ASXL2: variants seen among roughly 807,000 people sequenced by gnomAD.
The protein encoded by ASXL2 is ASXL transcriptional regulator 2, also known as putative Polycomb group protein ASXL2.
ASXL2 carries 23 observed loss-of-function variants against 122.0 expected under a neutral mutation model. That is an observed-to-expected ratio of 0.19 (90% confidence interval 0.14 to 0.27). The LOEUF (loss-of-function observed/expected upper bound fraction) is 0.27. Among genes scored for constraint, ASXL2 ranks in the 10% least tolerant of loss-of-function variants. The pLI is 1.00. For synonymous variants in ASXL2, 650 were observed against 637.0 expected, an observed-to-expected ratio of 1.02 and a Z score of -0.31; for missense variants, 1,518 against 1,713.8, an observed-to-expected ratio of 0.89 and a Z score of 2.02.
chr2:25,795,094 G>C (rs1259440829), intron 5 of ASXL2, among the ~76,000 whole-genome samples: 1 of 152,072 alleles, frequency 6.6e-6, no homozygotes, highest in African/African-American at 2.4e-5. Flanking sequence ...GAATATCAGA[G>C]CTGCTTAAAC....
chr2:25,806,283 A>C lies in ASXL2; in HGVS notation c.198T>G (p.Gly66=). Residue 66 remains glycine, a synonymous_variant, in exon 4 of 13, where the codon GGT becomes GGG. Transcript: ENST00000435504. The stretch of plus-strand genomic sequence containing the variant: ...GAACCTTATAGAAGATGCCCTCTTC[A>C]CCTCTGGAGTTTGTGTGAAGCATTG... ...LNAMLHTNSR[G]EEGIFYKVPG... The C allele has an allele frequency of 6.2e-7, 1 of 1,613,614 alleles. No homozygotes were observed. The highest frequency in any genetic ancestry group is 8.5e-7 in the Non-Finnish European group (1 of 1,179,732).
At chr2:25,754,136 G>C (rs941694092) in intron 10 of ASXL2, among the ~76,000 whole-genome samples, 2 of 152,006 alleles carry the variant, frequency 1.3e-5, no homozygotes, top group Non-Finnish European at 2.9e-5. Context: ...AAAAGGTAGG[G>C]AGTTATTCTG....
chr2:25,807,068 T>A (rs919651486), intron 3 of ASXL2, among the ~76,000 whole-genome samples: 7 of 152,052 alleles, frequency 4.6e-5, no homozygotes, highest in African/African-American at 1.7e-4. Context: ...ATACTTCACA[T>A]AAGAAAAAAA....
At position 25,766,225 on chromosome 2, in the gene ASXL2, T is replaced by A. The variant is rs895399613; in HGVS notation, c.775+1358A>T. On this transcript the variant is annotated intron_variant, in intron 8 of 12. Transcript: ENST00000435504. ...TTTTTGTTACCTTTTCATGACCCCA[T>A]ATGTTTCGAGATCTTTAAAAAAAAA... Among the ~76,000 whole-genome samples, 44 of 152,116 alleles carry A rather than the reference T, an allele frequency of 2.9e-4. 1 individual carries two copies. The highest frequency in any genetic ancestry group is 1.0e-3 in the African/African-American group (42 of 41,448).
rs1009299748 is a variant in ASXL2, at chr2:25,775,222, G to T, written c.404-3682C>A. 2.6e-5 allele frequency among the ~76,000 whole-genome samples: 4 copies of T among 152,068 alleles called. No homozygotes were observed. In the East Asian group the frequency reaches 5.8e-4, roughly 22 times the overall value. On this transcript the variant is annotated intron_variant, in intron 5 of 12. Coordinates refer to ENST00000435504, the MANE Select transcript of ASXL2 (RefSeq NM_018263.6). ...AGCTCACTGCAACCTCTGCTTCTCA[G>T]GTTCAAGTGATTCTCCTGCCTCAGC...
chr2:25,860,393 G>A (rs2089829192), intron 1 of ASXL2, among the ~76,000 whole-genome samples: 1 of 151,786 alleles, frequency 6.6e-6, no homozygotes, highest in African/African-American at 2.4e-5. Flanking sequence ...TGCTTAGAGG[G>A]AAATTTAAAG....
intron 2 of ASXL2, among the ~76,000 whole-genome samples, chr2:25,843,227 G>A (rs1283403936): frequency 5.9e-5 from 9 of 151,662 alleles, no homozygotes; most frequent in Non-Finnish European, 2.9e-5. Context: ...GGGTGAACCT[G>A]GGAGGCGGAG....
At chr2:25,753,456 G>T in intron 11 of ASXL2, 78 bp downstream of exon 11, 1 of 959,048 alleles carries the variant, frequency 1.0e-6, no homozygotes, top group Non-Finnish European at 1.5e-6. Flanking sequence ...GATTTTCTGA[G>T]AAGGTAATGA....
At chr2:25,811,099 C>CACACACAA (rs1327866217) in intron 3 of ASXL2, among the ~76,000 whole-genome samples, 3 of 144,416 alleles carry the variant, frequency 2.1e-5, no homozygotes, top group Non-Finnish European at 4.5e-5. Flanking sequence ...CACACACACA[C>CACACACAA]AAAATCAGCC....
intron 1 of ASXL2, among the ~76,000 whole-genome samples, chr2:25,876,393 T>G (rs934909593): frequency 2.0e-5 from 3 of 152,180 alleles, no homozygotes; most frequent in South Asian, 2.1e-4. Flanking sequence ...ACTCCTAAGA[T>G]TCTAGAAACT....
intron 6 of ASXL2, among the ~76,000 whole-genome samples, chr2:25,770,497 G>A (rs2088429359): frequency 6.6e-6 from 1 of 152,194 alleles, no homozygotes; most frequent in African/African-American, 2.4e-5. Context: ...GCTCACGCCT[G>A]TAATCTCAGC....
In ASXL2 at chr2:25,744,817, G is replaced by T. The variant is rs949723199; in HGVS notation, c.1861-341C>A. 6.6e-6 allele frequency among the ~76,000 whole-genome samples: 1 copy of T among 152,246 alleles called. No individual in the cohort carries two copies. The highest frequency in any genetic ancestry group is 2.4e-5 in the African/African-American group (1 of 41,538). On this transcript the variant is annotated intron_variant, in intron 12 of 12. Coordinates refer to ENST00000435504, the MANE Select transcript of ASXL2 (RefSeq NM_018263.6). This position sits in a 1 kb window ranked among gnomAD's most constrained non-coding sequence, Gnocchi z 4.7. ...TATGGTATTTGCATTTTTAAAAAGT[G>T]TATTTATGTTTGAGAAAGAAGAGAA... is the stretch of plus-strand genomic sequence containing the variant.
chr2:25,854,557 C>T (rs2089755068), intron 1 of ASXL2, among the ~76,000 whole-genome samples: 2 of 152,232 alleles, frequency 1.3e-5, no homozygotes, highest in South Asian at 4.1e-4. Flanking sequence ...AAGAGCCAAC[C>T]ACTTCGGTGG....
intron 4 of ASXL2, among the ~76,000 whole-genome samples, chr2:25,803,056 C>T (rs879657914): frequency 5.9e-5 from 9 of 152,110 alleles, no homozygotes. Context: ...TGCTTGAACC[C>T]GGGAGGCGGA....
At chr2:25,777,728 G>A (rs1243127185) in intron 5 of ASXL2, among the ~76,000 whole-genome samples, 1 of 152,046 alleles carries the variant, frequency 6.6e-6, no homozygotes, top group Non-Finnish European at 1.5e-5. Flanking sequence ...TATCTTCTAT[G>A]TGCCTAACAC....
Position 25,743,960 on chromosome 2 carries a change from G to A in ASXL2, c.2377C>T (p.Pro793Ser), listed in dbSNP as rs755558446. 1 of 1,613,848 alleles carries A rather than the reference G, an allele frequency of 6.2e-7. No individual in the cohort carries two copies. Among genetic ancestry groups the A allele is most frequent in the South Asian group, 1.1e-5 (1 of 91,074 alleles). ...AATTTCTCTATGTGGGCTGGTGATG[G>A]GACACTTGTGCATGCTCCACTGACG... ...PAVSGACTSV[P>S]SPAHIEKLDN... The change falls in exon 13 of 13, where the codon CCA (proline) becomes TCA (serine). Residue 793 changes from proline (P) to serine (S), a missense_variant. Physicochemically the swap from Pro to Ser is moderately conservative, Grantham distance 74 (BLOSUM62 -1). Around this residue, in one of 8 missense-constraint regions of ASXL2, gnomAD observed 831 missense variants for 833.1 expected, o/e 1.00. Coordinates refer to ENST00000435504, the MANE Select transcript of ASXL2 (RefSeq NM_018263.6).
chr2:25,861,405 C>T (rs536388922), intron 1 of ASXL2, among the ~76,000 whole-genome samples: 24 of 152,314 alleles, frequency 1.6e-4, no homozygotes, highest in African/African-American at 5.5e-4. Flanking sequence ...TCTGACAAAA[C>T]TCACACAAGA....
At chr2:25,838,637 G>A (rs1026015457) in intron 2 of ASXL2, among the ~76,000 whole-genome samples, 2 of 152,126 alleles carry the variant, frequency 1.3e-5, no homozygotes, top group East Asian at 1.9e-4. Flanking sequence ...GGCACAAGTC[G>A]GGAGAAACTT....
intron 1 of ASXL2, among the ~76,000 whole-genome samples, chr2:25,848,541 T>C (rs1403100646): frequency 6.6e-6 from 1 of 151,964 alleles, no homozygotes; most frequent in African/African-American, 2.4e-5. Context: ...GGAAATGGCG[T>C]GAACCCTGGA....
Sources: gnomAD v4.1 joint callset for allele counts (sites outside exome capture counted in the v4.1 genomes callset) on GRCh38, gnomAD v4.1.1 for gene constraint, gnomAD v4.1.1 regional missense constraint, Gnocchi (gnomAD v3.1) non-coding constraint, MANE v1.5 for transcripts, NCBI Gene and HGNC (gene_info 2026-07-23, HGNC 2026-07-21) for gene names.